The following CCDC126 variants were observed in gnomAD, a reference collection of about 807,000 sequenced individuals.
CCDC126 encodes the protein coiled-coil domain-containing protein 126.
In CCDC126, 5 loss-of-function variants were observed where a neutral mutation model predicts 11.7. The observed-to-expected ratio is 0.43, with a 90% CI of 0.22 to 0.90. The LOEUF is 0.90. Ranked by LOEUF, CCDC126 falls within the 40% of genes least tolerant of loss-of-function variation. CCDC126 has a pLI of 0.27. For synonymous variants in CCDC126, 60 were observed against 61.9 expected, an observed-to-expected ratio of 0.97 and a Z score of 0.14; for missense variants, 150 against 163.1, an observed-to-expected ratio of 0.92 and a Z score of 0.44.
intron 2 of CCDC126, among the ~76,000 whole-genome samples, chr7:23,605,090 G>A (rs1375713251): frequency 1.3e-5 from 2 of 152,024 alleles, no homozygotes; most frequent in Admixed American, 6.6e-5. Flanking sequence ...ATTTTGAAGC[G>A]ATGACATTTG....
At chr7:23,632,777 A>T (rs900494882) in intron 3 of CCDC126, among the ~76,000 whole-genome samples, 2 of 152,212 alleles carry the variant, frequency 1.3e-5, no homozygotes, top group African/African-American at 4.8e-5. Flanking sequence ...TGTATTCCAG[A>T]TACGTTAAAG....
intron 3 of CCDC126, among the ~76,000 whole-genome samples, chr7:23,623,703 TTAA>T (rs1445426877): frequency 1.3e-5 from 2 of 152,190 alleles, no homozygotes; most frequent in Admixed American, 6.5e-5. Flanking sequence ...GTGCATATAC[TTAA>T]TAATGGGGTA....
chr7:23,632,013 C>T (rs1025164261), intron 3 of CCDC126, among the ~76,000 whole-genome samples: 38 of 151,862 alleles, frequency 2.5e-4, no homozygotes, highest in African/African-American at 9.0e-4. Flanking sequence ...TCAAAATTCC[C>T]CCAAATATAG....
chr7:23,623,104 G>C (rs1389243361), intron 3 of CCDC126, among the ~76,000 whole-genome samples: 1 of 151,092 alleles, frequency 6.6e-6, no homozygotes, highest in African/African-American at 2.4e-5. Flanking sequence ...CTCCCAACTG[G>C]CTGGGATTGC....
chr7:23,599,420 C>T (rs558510703), intron 2 of CCDC126, among the ~76,000 whole-genome samples: 45 of 152,046 alleles, frequency 3.0e-4, no homozygotes, highest in Admixed American at 2.2e-3. Context: ...CATGATTGGC[C>T]ACGGCTGTGA....
rs1782878776 is a variant in CCDC126, at chr7:23,620,786, T to C, written c.238+9233T>C. ...TGTAAGGAAGGGATCCAGTTTCAGC[T>C]TTCTACATATGGCTAGCCAGTTTTC... On this transcript the variant is annotated intron_variant, in intron 3 of 3. Coordinates refer to ENST00000307471, the MANE Select transcript of CCDC126 (RefSeq NM_138771.4). Among the ~76,000 whole-genome samples the C allele has an allele frequency of 2.6e-5, 4 of 152,218 alleles. No individual in the cohort carries two copies. In the South Asian group the frequency reaches 8.3e-4, roughly 31 times the overall value.
intron 3 of CCDC126, among the ~76,000 whole-genome samples, chr7:23,624,627 C>G (rs1261259962): frequency 1.3e-5 from 2 of 152,158 alleles, no homozygotes; most frequent in Admixed American, 6.6e-5. Context: ...CCTAATAAAA[C>G]TGTATTTTCA....
intron 3 of CCDC126, among the ~76,000 whole-genome samples, chr7:23,629,310 C>T (rs903112419): frequency 6.6e-6 from 1 of 152,140 alleles, no homozygotes; most frequent in Non-Finnish European, 1.5e-5. Flanking sequence ...TCTCTTCCAC[C>T]CCTCTGCCAT....
chr7:23,641,041 T>C (rs1391639012), intron 3 of CCDC126, among the ~76,000 whole-genome samples: 1 of 145,510 alleles, frequency 6.9e-6, no homozygotes, highest in East Asian at 2.1e-4. Flanking sequence ...GTGGAATTCC[T>C]AGGTCACATG....
At chr7:23,614,531 T>C (rs1430198089) in intron 3 of CCDC126, among the ~76,000 whole-genome samples, 1 of 152,240 alleles carries the variant, frequency 6.6e-6, no homozygotes, top group African/African-American at 2.4e-5. Flanking sequence ...TCATGAATCA[T>C]GAATATTATT....
In CCDC126 at chr7:23,634,896, G is replaced by A. The variant is rs144488696; in HGVS notation, c.239-8035G>A. On this transcript the variant is annotated intron_variant, in intron 3 of 3. Coordinates refer to ENST00000307471, the MANE Select transcript of CCDC126 (RefSeq NM_138771.4). ...ATTCTCCCTCTCTTCCACAGTTAAAGGGATGATAGTAGCTTCCTGCTGTGC... is the reference window on the plus strand; with the variant it reads ...ATTCTCCCTCTCTTCCACAGTTAAAAGGATGATAGTAGCTTCCTGCTGTGC... Among the ~76,000 whole-genome samples the A allele has an allele frequency of 3.0e-3, 464 of 152,236 alleles. 4 individuals carry two copies. The highest frequency in any genetic ancestry group is 0.011 in the African/African-American group (446 of 41,538).
At chr7:23,620,161 C>A (rs1323528968) in intron 3 of CCDC126, among the ~76,000 whole-genome samples, 10 of 150,050 alleles carry the variant, frequency 6.7e-5, no homozygotes, top group South Asian at 2.1e-4. Flanking sequence ...CGCCACACTG[C>A]CTTCCACAAT....
chr7:23,611,598 T>A, intron 3 of CCDC126, 45 bp downstream of exon 3: 1 of 1,396,570 alleles, frequency 7.2e-7, no homozygotes, highest in Non-Finnish European at 1.0e-6. Context: ...AATCCCTGTT[T>A]AAAGATGGTT....
At chr7:23,599,641 G>C (rs1012872378) in intron 2 of CCDC126, among the ~76,000 whole-genome samples, 3 of 152,024 alleles carry the variant, frequency 2.0e-5, no homozygotes, top group Admixed American at 2.0e-4. Context: ...TGTAGTTTTA[G>C]TAGAGACAGG....
chr7:23,614,865 A>G (rs1043745680), intron 3 of CCDC126, among the ~76,000 whole-genome samples: 4 of 152,352 alleles, frequency 2.6e-5, no homozygotes, highest in East Asian at 3.9e-4. Flanking sequence ...TTCTGTAAAC[A>G]TATGTTGTCA....
At chr7:23,599,132 T>C (rs527565820) in intron 2 of CCDC126, among the ~76,000 whole-genome samples, 212 of 152,316 alleles carry the variant, frequency 1.4e-3, no homozygotes, top group African/African-American at 4.7e-3. Flanking sequence ...CAGTTATCAC[T>C]CTCTCATGAG....
rs559561182 is a variant in CCDC126, at chr7:23,644,661, T to C, written c.*1546T>C. 6.6e-6 allele frequency: 1 copy of C among 152,544 alleles called. No homozygotes were observed. Among genetic ancestry groups the C allele is most frequent in the Admixed American group, 6.5e-5 (1 of 15,286 alleles). The allele number at this position is 152,544 out of a possible 1,614,324, so 9.4% of individuals were successfully genotyped here. ...TCCTATTAGATGTGGACATTTTTGT[T>C]TTTGTTTTTGTTTTCAGGGATGAAA... On this transcript the variant is annotated 3_prime_UTR_variant, in exon 4 of 4. Coordinates refer to ENST00000307471, the MANE Select transcript of CCDC126 (RefSeq NM_138771.4).
intron 3 of CCDC126, among the ~76,000 whole-genome samples, chr7:23,639,497 A>G (rs1783317011): frequency 6.6e-6 from 1 of 152,032 alleles, no homozygotes; most frequent in Admixed American, 6.6e-5. Context: ...GAGCCATCGC[A>G]CCCAGTCCTC....
chr7:23,599,585 C>T (rs746682928), intron 2 of CCDC126, among the ~76,000 whole-genome samples: 2 of 151,658 alleles, frequency 1.3e-5, no homozygotes, highest in Non-Finnish European at 2.9e-5. Context: ...GCAACTTCTA[C>T]CTTTTGGGTT....
Sources: gnomAD v4.1 joint callset for allele counts (sites outside exome capture counted in the v4.1 genomes callset) on GRCh38, gnomAD v4.1.1 for gene constraint, MANE v1.5 for transcripts, NCBI Gene and HGNC (gene_info 2026-07-23, HGNC 2026-07-21) for gene names.